The following ZBTB7C variants were observed in gnomAD, a reference collection of about 807,000 sequenced individuals.
The protein encoded by ZBTB7C is zinc finger and BTB domain-containing protein 7C.
A neutral mutation model predicts 25.7 loss-of-function variants in ZBTB7C; 8 were observed. The ratio of observed to expected loss-of-function variants is 0.31; its 90% CI spans 0.18 to 0.56. The LOEUF is 0.56. ZBTB7C is among the 20% of genes least tolerant of loss of function. ZBTB7C has a pLI of 0.91. For synonymous variants in ZBTB7C, 394 were observed against 369.0 expected (o/e 1.07, Z -0.78); for missense variants, 824 against 855.2 (o/e 0.96, Z 0.46).
At chr18:48,233,759 C>T (rs1052288606) in intron 2 of ZBTB7C, among the ~76,000 whole-genome samples, 1 of 152,122 alleles carries the variant, frequency 6.6e-6, no homozygotes, top group African/African-American at 2.4e-5. Flanking sequence ...TTCATCTGTG[C>T]TTTTTTAATA....
chr18:48,138,897 G>A (rs898596651), intron 3 of ZBTB7C, among the ~76,000 whole-genome samples: 9 of 152,344 alleles, frequency 5.9e-5, no homozygotes, highest in South Asian at 2.1e-4. Context: ...CTGTGTGCCC[G>A]TAAAGGGTTT....
chr18:48,151,080 A>G (rs1191310739), intron 3 of ZBTB7C, among the ~76,000 whole-genome samples: 12 of 152,306 alleles, frequency 7.9e-5, no homozygotes, highest in Non-Finnish European at 1.6e-4. Flanking sequence ...CTGGTAACTG[A>G]TCGGTGTGGC....
At chr18:48,361,473 A>G (rs189674979) in intron 1 of ZBTB7C, among the ~76,000 whole-genome samples, 6 of 152,066 alleles carry the variant, frequency 3.9e-5, no homozygotes. Flanking sequence ...AATCTAATGC[A>G]CTCTTTTATT....
chr18:48,360,436 G>T (rs1196705672), intron 1 of ZBTB7C, among the ~76,000 whole-genome samples: 1 of 152,220 alleles, frequency 6.6e-6, no homozygotes, highest in Admixed American at 6.5e-5. Context: ...AAATCACAGA[G>T]CCATGACATG....
At chr18:48,394,699 T>C (rs1267552353) in intron 1 of ZBTB7C, among the ~76,000 whole-genome samples, 3 of 152,130 alleles carry the variant, frequency 2.0e-5, no homozygotes, top group African/African-American at 7.2e-5. Context: ...GCTAATACAT[T>C]AGCAGGGGCA....
chr18:48,030,070 C>T (rs1440726268), intron 4 of ZBTB7C, among the ~76,000 whole-genome samples, 159 bp from the exon 5 acceptor site: 1 of 152,150 alleles, frequency 6.6e-6, no homozygotes, highest in Non-Finnish European at 1.5e-5. Flanking sequence ...AACTGCTGCC[C>T]CACCTTAGAC....
At chr18:48,242,062 A>G (rs1001467025) in intron 2 of ZBTB7C, among the ~76,000 whole-genome samples, 1 of 152,186 alleles carries the variant, frequency 6.6e-6, no homozygotes, top group Non-Finnish European at 1.5e-5. Flanking sequence ...TGAGGCTCCT[A>G]TGAATATGTT....
intron 3 of ZBTB7C, among the ~76,000 whole-genome samples, chr18:48,132,865 G>A (rs2040029229): frequency 6.6e-6 from 1 of 152,242 alleles, no homozygotes; most frequent in Non-Finnish European, 1.5e-5. Context: ...CTGCAGGTAT[G>A]TGTACAACGC....
intron 3 of ZBTB7C, among the ~76,000 whole-genome samples, chr18:48,045,605 C>T (rs2036436818): frequency 6.6e-6 from 1 of 152,222 alleles, no homozygotes; most frequent in Non-Finnish European, 1.5e-5. Context: ...CTGGAGATTA[C>T]AACTGATCTC....
At chr18:48,325,181 C>G (rs1388354583) in intron 2 of ZBTB7C, among the ~76,000 whole-genome samples, 1 of 152,158 alleles carries the variant, frequency 6.6e-6, no homozygotes, top group Non-Finnish European at 1.5e-5. Flanking sequence ...AGGACCCTGG[C>G]TGACTCAGAT....
chr18:48,224,109 A>G (rs1409513516), intron 2 of ZBTB7C, among the ~76,000 whole-genome samples: 1 of 152,230 alleles, frequency 6.6e-6, no homozygotes, highest in African/African-American at 2.4e-5. Flanking sequence ...GGCTTCCTGT[A>G]CATAAGAAAA....
chr18:48,109,874 C>A (rs2039170307), intron 3 of ZBTB7C, among the ~76,000 whole-genome samples: 1 of 152,186 alleles, frequency 6.6e-6, no homozygotes, highest in African/African-American at 2.4e-5. Flanking sequence ...TGCAGCCACC[C>A]TCCCCCCAAA....
chr18:48,302,438 A>ATT (rs34927456), intron 2 of ZBTB7C, among the ~76,000 whole-genome samples: 3 of 151,716 alleles, frequency 2.0e-5, no homozygotes, highest in Non-Finnish European at 4.4e-5. Context: ...TCTATATATA[A>ATT]TTTTTTTTCT....
At chr18:48,165,192 G>C in intron 3 of ZBTB7C, 2 of 1,205,118 alleles carry the variant, frequency 1.7e-6, no homozygotes, top group Non-Finnish European at 2.2e-6. Context: ...TCTTGTCCAA[G>C]GTCACAAAGC....
At chr18:48,082,437 G>A (rs1240689994) in intron 3 of ZBTB7C, among the ~76,000 whole-genome samples, 1 of 152,144 alleles carries the variant, frequency 6.6e-6, no homozygotes, top group Non-Finnish European at 1.5e-5. Flanking sequence ...ATGAGACGGA[G>A]CTGTCACCCA....
chr18:48,237,012 C>T (rs976841130), intron 2 of ZBTB7C, among the ~76,000 whole-genome samples: 4 of 152,162 alleles, frequency 2.6e-5, no homozygotes, highest in African/African-American at 9.7e-5. Context: ...GTTACTGGCT[C>T]TCAGAGGCTG....
intron 2 of ZBTB7C, among the ~76,000 whole-genome samples, chr18:48,275,277 G>A (rs1341923427): frequency 6.6e-6 from 1 of 152,212 alleles, no homozygotes; most frequent in African/African-American, 2.4e-5. Context: ...TTTACTAGAA[G>A]GCAGCAGACT....
At chr18:48,320,248 GT>G (rs972421825) in intron 2 of ZBTB7C, among the ~76,000 whole-genome samples, 1 of 152,208 alleles carries the variant, frequency 6.6e-6, no homozygotes, top group Non-Finnish European at 1.5e-5. Flanking sequence ...AGCACAGGGG[GT>G]TCAGTGTGGC....
At chr18:48,268,961 T>TTC (rs1555728004) in intron 2 of ZBTB7C, among the ~76,000 whole-genome samples, 1 of 145,250 alleles carries the variant, frequency 6.9e-6, no homozygotes, top group Non-Finnish European at 1.5e-5. Context: ...TCTGTTTCTT[T>TTC]TTTTTTTTTT....
Sources: allele counts gnomAD v4.1 joint callset (sites outside exome capture counted in the v4.1 genomes callset), GRCh38; gene constraint gnomAD v4.1.1; transcripts MANE v1.5; gene names NCBI Gene and HGNC (gene_info 2026-07-23, HGNC 2026-07-21).